PCDHGA4: variants seen among roughly 807,000 people sequenced by gnomAD.
PCDHGA4 encodes protocadherin gamma subfamily A, 4.
Under a neutral mutation model 54.6 loss-of-function variants are expected in PCDHGA4, and 38 were observed. That is an observed-to-expected ratio of 0.70 (90% confidence interval 0.54 to 0.91). The LOEUF (loss-of-function observed/expected upper bound fraction) is 0.91, where lower values mean the gene tolerates loss of function less well. PCDHGA4 is among the 40% of genes least tolerant of loss of function. PCDHGA4 has a pLI of 0.00. For synonymous variants in PCDHGA4, 511 were observed against 512.9 expected (o/e 1.00, Z 0.05); for missense variants, 1,298 against 1,220.9 (o/e 1.06, Z -0.94).
Position 141,385,307 on chromosome 5 carries a change from A to G in PCDHGA4, c.2514+27686A>G, listed in dbSNP as rs766207712. The stretch of plus-strand genomic sequence containing the variant: ...GTAGATTTTCAGGAATGTAAAGAAA[A>G]CCTGCCAAGTATTCAGGTGAGCCCA... On this transcript the variant is annotated intron_variant, in intron 1 of 3. Transcript: ENST00000571252. 19 of 1,612,402 alleles carry G rather than the reference A, an allele frequency of 1.2e-5. No homozygotes were observed. Among genetic ancestry groups the G allele is most frequent in the African/African-American group, 2.7e-5 (2 of 74,932 alleles).
At chr5:141,430,661 G>A in intron 1 of PCDHGA4, 1 of 1,159,744 alleles carries the variant, frequency 8.6e-7, no homozygotes, top group South Asian at 2.1e-5. Context: ...CAACGGAGGA[G>A]CTCTGACTTC....
chr5:141,449,147 G>T (rs2098630156), intron 1 of PCDHGA4, among the ~76,000 whole-genome samples: 1 of 152,110 alleles, frequency 6.6e-6, no homozygotes, highest in African/African-American at 2.4e-5. Flanking sequence ...AAATTGCTGG[G>T]TCAAAGAGGA....
chr5:141,509,371 T>C (rs2099876508), intron 3 of PCDHGA4, among the ~76,000 whole-genome samples: 1 of 152,258 alleles, frequency 6.6e-6, no homozygotes, highest in South Asian at 2.1e-4. Context: ...AGGTTTTAAC[T>C]GTCTCCTAAC....
chr5:141,403,595 T>G (rs2094430008), intron 1 of PCDHGA4: 1 of 1,613,824 alleles, frequency 6.2e-7, no homozygotes, highest in East Asian at 2.2e-5. Flanking sequence ...CCTCACGGCC[T>G]CGGATGGCGG....
intron 1 of PCDHGA4, chr5:141,394,120 C>T: frequency 5.0e-6 from 8 of 1,613,954 alleles, no homozygotes; most frequent in Non-Finnish European, 5.9e-6. Context: ...TCCACTGAAA[C>T]TCAAATCGCT....
chr5:141,415,163 C>G (rs572456395), intron 1 of PCDHGA4: 11 of 1,613,856 alleles, frequency 6.8e-6, no homozygotes, highest in African/African-American at 1.3e-5. Context: ...GCCACTGTCA[C>G]GCTCACCGTG....
At chr5:141,419,555 G>A (rs1411289369) in intron 1 of PCDHGA4, 3 of 1,611,876 alleles carry the variant, frequency 1.9e-6, no homozygotes, top group South Asian at 1.1e-5. Context: ...GCTGTACCCT[G>A]CGCTGGGTCC....
At chr5:141,415,974 C>T (rs2095976813) in intron 1 of PCDHGA4, 1 of 375,644 alleles carries the variant, frequency 2.7e-6, no homozygotes, top group African/African-American at 2.1e-5. Flanking sequence ...GCCCCTTAAG[C>T]AACCCTCTTG....
intron 1 of PCDHGA4, chr5:141,440,744 A>C (rs2098197850): frequency 6.6e-6 from 1 of 152,194 alleles, no homozygotes; most frequent in Non-Finnish European, 1.5e-5. Context: ...CTGCTTGACT[A>C]GGAAAAGCAG....
rs2099691833 is a variant in PCDHGA4, at chr5:141,489,761, C to A, written c.2515-5046C>A. 8.1e-6 allele frequency: 13 copies of A among 1,614,102 alleles called. No individual in the cohort carries two copies. The highest frequency in any genetic ancestry group is 1.1e-5 in the Non-Finnish European group (13 of 1,179,962). ...ACTGTGAGCTTTTACACTCTAAGCCCCAACAGCCACTTCTCTCTGAATGTG... is the reference window on the plus strand; with the variant it reads ...ACTGTGAGCTTTTACACTCTAAGCCACAACAGCCACTTCTCTCTGAATGTG... On this transcript the variant is annotated intron_variant, in intron 1 of 3. Coordinates refer to ENST00000571252, the MANE Select transcript of PCDHGA4 (RefSeq NM_018917.4). The surrounding 1 kb of genome is among the most constrained non-coding windows in gnomAD (Gnocchi z 4.5).
At position 141,432,436 on chromosome 5, in the gene PCDHGA4, G is replaced by C; in HGVS notation, c.2515-62371G>C. ...TCGTGCTGGACCAGAACGACAATGC[G>C]CCCGAGATCCTGTACCCCGCCCTCC... On this transcript the variant is annotated intron_variant, in intron 1 of 3. Transcript: ENST00000571252. This position sits in a 1 kb window ranked among gnomAD's most constrained non-coding sequence, Gnocchi z 6.0. 1 of 1,614,196 alleles carries C rather than the reference G, an allele frequency of 6.2e-7. No individual in the cohort carries two copies. Among genetic ancestry groups the C allele is most frequent in the Middle Eastern group, 1.6e-4 (1 of 6,062 alleles).
intron 1 of PCDHGA4, among the ~76,000 whole-genome samples, chr5:141,492,808 A>C (rs1261752522): frequency 6.6e-6 from 1 of 152,252 alleles, no homozygotes; most frequent in African/African-American, 2.4e-5. Flanking sequence ...CTGGGACTCC[A>C]GTGGCACCAG....
intron 1 of PCDHGA4, chr5:141,387,617 T>C (rs1169967462): frequency 3.5e-6 from 2 of 570,390 alleles, no homozygotes; most frequent in African/African-American, 3.8e-5. Context: ...AGTTTCCTAG[T>C]GCTGACTCTG....
Position 141,374,348 on chromosome 5 carries a change from AG to A in PCDHGA4, c.2514+16729del, listed in dbSNP as rs750321680. The A allele has an allele frequency of 1.9e-6, 3 of 1,613,910 alleles. No individual in the cohort carries two copies. The African/African-American group carries it at 4.0e-5, about 22-fold the overall frequency. On this transcript the variant is annotated intron_variant, in intron 1 of 3. Coordinates refer to ENST00000571252, the MANE Select transcript of PCDHGA4 (RefSeq NM_018917.4). ...AAACGGCAGCTTGGTCACCGCGGGT[AG>A]GATAGACCGCGAGGAGCTCTGTGCT...
chr5:141,447,849 G>A (rs2154561912), intron 1 of PCDHGA4, among the ~76,000 whole-genome samples: 1 of 152,306 alleles, frequency 6.6e-6, no homozygotes, highest in East Asian at 1.9e-4. Context: ...GCTTTGGGAG[G>A]CCGAGGTGGG....
intron 1 of PCDHGA4, chr5:141,426,693 A>C (rs62378458): frequency 0.034 from 14,964 of 435,892 alleles, 320 homozygotes; most frequent in Middle Eastern, 0.11. Flanking sequence ...CCAAAATAGC[A>C]TTGTTTTACA....
intron 1 of PCDHGA4, chr5:141,361,874 G>T: frequency 6.2e-7 from 1 of 1,611,062 alleles, no homozygotes; most frequent in Non-Finnish European, 8.5e-7. Context: ...ATGGTGCCAC[G>T]CGCCGCAGAG....
chr5:141,395,101 C>A (rs1197761808), intron 1 of PCDHGA4: 2 of 1,614,164 alleles, frequency 1.2e-6, no homozygotes, highest in East Asian at 4.5e-5. Context: ...ACCGCCGACT[C>A]GCGGAAGAGT....
Position 141,404,273 on chromosome 5 carries a change from C to A in PCDHGA4, c.2514+46652C>A, listed in dbSNP as rs751189949. 4.3e-6 allele frequency: 7 copies of A among 1,613,988 alleles called. No homozygotes were observed. The highest frequency in any genetic ancestry group is 5.9e-6 in the Non-Finnish European group (7 of 1,179,880). On this transcript the variant is annotated intron_variant, in intron 1 of 3. Coordinates refer to ENST00000571252, the MANE Select transcript of PCDHGA4 (RefSeq NM_018917.4). ...GTCCACAGAAATTCACATCACCCTG[C>A]AAGTGACTGACATCAATGATAATCC...
Sources: allele counts gnomAD v4.1 joint callset (sites outside exome capture counted in the v4.1 genomes callset), GRCh38; gene constraint gnomAD v4.1.1; non-coding constraint Gnocchi (gnomAD v3.1); transcripts MANE v1.5; gene names NCBI Gene and HGNC (gene_info 2026-07-23, HGNC 2026-07-21).